The following PRLR variants were observed in gnomAD, a reference collection of about 807,000 sequenced individuals.
PRLR encodes hPRL receptor.
Under a neutral mutation model 40.2 loss-of-function variants are expected in PRLR, and 13 were observed. The observed-to-expected ratio is 0.32, with a 90% confidence interval of 0.21 to 0.51. The LOEUF is 0.51. Among genes scored for constraint, PRLR ranks in the 20% least tolerant of loss-of-function variants. PRLR has a pLI of 0.97. For synonymous variants in PRLR, 269 were observed against 278.7 expected (o/e 0.97, Z 0.35); for missense variants, 656 against 747.3 (o/e 0.88, Z 1.42).
At chr5:35,210,506 GA>G (rs1776143649) in intron 1 of PRLR, among the ~76,000 whole-genome samples, 1 of 152,204 alleles carries the variant, frequency 6.6e-6, no homozygotes, top group Non-Finnish European at 1.5e-5. Context: ...ACAGAGTCAG[GA>G]GAGAAGAGGA....
intron 4 of PRLR, 149 bp downstream of exon 4, chr5:35,086,059 G>T: frequency 1.1e-6 from 1 of 885,544 alleles, no homozygotes; most frequent in Non-Finnish European, 1.8e-6. Context: ...GAGAATGTGG[G>T]CATGGACCTT....
chr5:35,103,855 C>A (rs1772051531), intron 2 of PRLR, among the ~76,000 whole-genome samples: 1 of 152,180 alleles, frequency 6.6e-6, no homozygotes, highest in Admixed American at 6.5e-5. Context: ...GCTTGGGATG[C>A]TTTCATGGGT....
intron 1 of PRLR, among the ~76,000 whole-genome samples, chr5:35,132,125 G>A (rs1190868788): frequency 1.3e-5 from 2 of 152,040 alleles, no homozygotes; most frequent in African/African-American, 2.4e-5. Flanking sequence ...TCTCTCTCAG[G>A]GTTTCTATTT....
intron 1 of PRLR, among the ~76,000 whole-genome samples, chr5:35,180,125 A>G (rs972952558): frequency 2.0e-5 from 3 of 152,168 alleles, no homozygotes; most frequent in Non-Finnish European, 2.9e-5. Context: ...AGTTCACAAT[A>G]GCGTTTGCAC....
At chr5:35,144,302 CTA>C (rs1429763227) in intron 1 of PRLR, among the ~76,000 whole-genome samples, 1 of 152,026 alleles carries the variant, frequency 6.6e-6, no homozygotes, top group Admixed American at 6.6e-5. Flanking sequence ...GTAGAACATT[CTA>C]TAGTAACAGA....
At chr5:35,103,860 AT>A (rs1772052033) in intron 2 of PRLR, among the ~76,000 whole-genome samples, 1 of 152,212 alleles carries the variant, frequency 6.6e-6, no homozygotes, top group Non-Finnish European at 1.5e-5. Context: ...GGATGCTTTC[AT>A]GGGTGTGCCT....
chr5:35,224,888 A>T (rs1314796353), intron 1 of PRLR, among the ~76,000 whole-genome samples: 1 of 149,420 alleles, frequency 6.7e-6, no homozygotes, highest in East Asian at 1.9e-4. Context: ...TCTTTATTTC[A>T]TTGACATATT....
chr5:35,190,594 C>T (rs901759731), intron 1 of PRLR, among the ~76,000 whole-genome samples: 2 of 148,516 alleles, frequency 1.3e-5, no homozygotes, highest in African/African-American at 5.0e-5. Flanking sequence ...GCATGGGTGA[C>T]AGACTGAGAC....
At chr5:35,083,854 G>T (rs1770682748) in intron 5 of PRLR, among the ~76,000 whole-genome samples, 1 of 148,962 alleles carries the variant, frequency 6.7e-6, no homozygotes, top group Non-Finnish European at 1.5e-5. Context: ...TGTTTGTCAA[G>T]AATTACATGG....
intron 1 of PRLR, among the ~76,000 whole-genome samples, chr5:35,154,954 A>T (rs1052820053): frequency 6.9e-6 from 1 of 144,220 alleles, no homozygotes; most frequent in African/African-American, 2.5e-5. Flanking sequence ...GCGTGGACAC[A>T]TTGCAGGGAC....
chr5:35,078,964 A>T (rs1770311268), intron 5 of PRLR, among the ~76,000 whole-genome samples: 1 of 152,202 alleles, frequency 6.6e-6, no homozygotes, highest in Non-Finnish European at 1.5e-5. Flanking sequence ...AAACCACATG[A>T]TTATCTCAAT....
chr5:35,156,145 A>AAC (rs1314955621), intron 1 of PRLR, among the ~76,000 whole-genome samples: 1 of 151,752 alleles, frequency 6.6e-6, no homozygotes, highest in African/African-American at 2.4e-5. Context: ...AAAAACAAAA[A>AAC]AAAAAACAAA....
intron 1 of PRLR, among the ~76,000 whole-genome samples, chr5:35,132,708 T>C (rs747468586): frequency 1.3e-5 from 2 of 152,238 alleles, no homozygotes; most frequent in Non-Finnish European, 2.9e-5. Flanking sequence ...GAAGGCTACA[T>C]GTCCTATTGT....
intron 8 of PRLR, among the ~76,000 whole-genome samples, chr5:35,049,640 T>G (rs1293573966): frequency 1.3e-5 from 2 of 152,216 alleles, no homozygotes; most frequent in Non-Finnish European, 2.9e-5. Flanking sequence ...TCTCTACATG[T>G]GTCTATCTGT....
rs954338745 is a variant in PRLR at position 35,059,491 on chromosome 5, C to G, written c.*5598G>C. The G allele has an allele frequency of 1.3e-5, 2 of 152,116 alleles. No individual in the cohort carries two copies. The highest frequency in any genetic ancestry group is 4.8e-5 in the African/African-American group (2 of 41,430). The allele number at this position is 152,116 out of a possible 1,614,324, so 9.4% of individuals were successfully genotyped here. On this transcript the variant is annotated 3_prime_UTR_variant, in exon 10 of 10. Transcript: ENST00000618457. ...AAACTCATAAAATCTGTTCAGAACA[C>G]TGAACAGATTTAGATTTACCATAGC...
intron 1 of PRLR, among the ~76,000 whole-genome samples, chr5:35,167,010 T>C (rs1774852714): frequency 1.3e-5 from 2 of 152,142 alleles, no homozygotes; most frequent in Admixed American, 6.5e-5. Context: ...CAAGAATGGC[T>C]ATGATGGTAA....
intron 2 of PRLR, among the ~76,000 whole-genome samples, chr5:35,106,655 T>A (rs1271243858): frequency 6.6e-6 from 1 of 152,072 alleles, no homozygotes; most frequent in Non-Finnish European, 1.5e-5. Flanking sequence ...GGTAAAGGGA[T>A]CAATTCAACA....
downstream of PRLR, among the ~76,000 whole-genome samples, chr5:35,055,002 G>A (rs1768645156): frequency 6.6e-6 from 1 of 152,078 alleles, no homozygotes; most frequent in African/African-American, 2.4e-5. Flanking sequence ...GAACAGACAA[G>A]GCAAAATATG....
intron 1 of PRLR, among the ~76,000 whole-genome samples, chr5:35,187,626 T>C (rs899704191): frequency 6.6e-6 from 1 of 152,170 alleles, no homozygotes; most frequent in African/African-American, 2.4e-5. Context: ...TGAAGATTCC[T>C]CTCAGTGTGA....
Sources: gnomAD v4.1 joint callset for allele counts (sites outside exome capture counted in the v4.1 genomes callset) on GRCh38, gnomAD v4.1.1 for gene constraint, MANE v1.5 for transcripts, NCBI Gene and HGNC (gene_info 2026-07-23, HGNC 2026-07-21) for gene names.